Variants in GMDS observed in about 807,000 individuals in gnomAD.
The protein encoded by GMDS is GDP-mannose 4,6-dehydratase.
GMDS carries 20 observed loss-of-function variants against 49.9 expected under a neutral mutation model. That is an observed-to-expected ratio of 0.40 (90% CI 0.28 to 0.58). GMDS has a LOEUF of 0.58. Among genes scored for constraint, GMDS ranks in the 20% least tolerant of loss-of-function variants. The probability of loss-of-function intolerance (pLI) is 0.42; values close to 1 mark genes in which losing one functional copy is unlikely to be tolerated. For missense variants in GMDS, 362 were observed against 481.4 expected, an observed-to-expected ratio of 0.75 and a Z score of 2.32; for synonymous variants, 177 against 178.6, an observed-to-expected ratio of 0.99 and a Z score of 0.07.
At chr6:2,155,558 C>T (rs1777072644) in intron 1 of GMDS, among the ~76,000 whole-genome samples, 1 of 152,114 alleles carries the variant, frequency 6.6e-6, no homozygotes, top group African/African-American at 2.4e-5. Context: ...ACATTTCAAC[C>T]TAATTGCATC....
intron 7 of GMDS, among the ~76,000 whole-genome samples, chr6:1,877,645 A>T (rs1376826225): frequency 1.1e-3 from 45 of 41,164 alleles, no homozygotes; most frequent in African/African-American, 4.0e-3. Context: ...CTCAAAAATT[A>T]AAAAAAAAAA....
chr6:1,795,919 A>G (rs1769716835), intron 7 of GMDS, among the ~76,000 whole-genome samples: 1 of 152,234 alleles, frequency 6.6e-6, no homozygotes, highest in African/African-American at 2.4e-5. Context: ...CAGTGACCCA[A>G]TAAACAGTGA....
intron 7 of GMDS, among the ~76,000 whole-genome samples, chr6:1,866,648 T>C (rs945357888): frequency 2.0e-5 from 3 of 152,228 alleles, no homozygotes; most frequent in Non-Finnish European, 4.4e-5. Context: ...AGTTACAATA[T>C]AAAAGTTTTA....
intron 6 of GMDS, among the ~76,000 whole-genome samples, chr6:1,951,181 T>C (rs939098862): frequency 6.6e-6 from 1 of 152,186 alleles, no homozygotes; most frequent in African/African-American, 2.4e-5. Context: ...CCCCAAATTT[T>C]ACTTAAATTT....
chr6:2,237,712 G>C (rs1323640343), intron 1 of GMDS, among the ~76,000 whole-genome samples: 2 of 151,722 alleles, frequency 1.3e-5, no homozygotes, highest in Admixed American at 1.3e-4. Flanking sequence ...AGTAGAGATG[G>C]GGTTTCTCCA....
At chr6:1,970,728 G>A (rs1422716055) in intron 4 of GMDS, among the ~76,000 whole-genome samples, 1 of 152,148 alleles carries the variant, frequency 6.6e-6, no homozygotes, top group African/African-American at 2.4e-5. Context: ...ATCCAAAGGA[G>A]GGACAGATGA....
rs369325345 is a variant in GMDS at position 2,198,918 on chromosome 6, A to C, written c.102+46403T>G. Among the ~76,000 whole-genome samples, 21 of 145,846 alleles carry C rather than the reference A, an allele frequency of 1.4e-4. No homozygotes were observed. In the East Asian group the frequency reaches 3.9e-3, roughly 27 times the overall value. Reference sequence around the variant, plus strand: ...AACAGGTAGAAAACAGACCATTCATAAAGTCAATAATTCAGGCTTGGTAAT... The same window carrying C: ...AACAGGTAGAAAACAGACCATTCATCAAGTCAATAATTCAGGCTTGGTAAT... On this transcript the variant is annotated intron_variant, in intron 1 of 10. Transcript: ENST00000380815.
At chr6:2,121,031 T>C (rs1775109825) in intron 2 of GMDS, among the ~76,000 whole-genome samples, 1 of 152,160 alleles carries the variant, frequency 6.6e-6, no homozygotes, top group Admixed American at 6.5e-5. Context: ...CCTTGGGAGA[T>C]AGGTGTGCTT....
At chr6:2,219,295 TAGAG>T (rs779925979) in intron 1 of GMDS, among the ~76,000 whole-genome samples, 5 of 152,098 alleles carry the variant, frequency 3.3e-5, no homozygotes, top group Admixed American at 6.5e-5. Flanking sequence ...AGCCAGATGA[TAGAG>T]AGGGTAGAAA....
At chr6:1,889,062 A>G (rs888568338) in intron 7 of GMDS, among the ~76,000 whole-genome samples, 2 of 152,200 alleles carry the variant, frequency 1.3e-5, no homozygotes, top group Non-Finnish European at 2.9e-5. Flanking sequence ...ATTTAAAAAT[A>G]TATATGTATA....
chr6:1,765,878 C>A (rs1362558182), intron 7 of GMDS, among the ~76,000 whole-genome samples: 1 of 152,104 alleles, frequency 6.6e-6, no homozygotes, highest in Non-Finnish European at 1.5e-5. Flanking sequence ...AACGCAAAGG[C>A]CTTGAGAAGG....
chr6:1,789,196 T>G (rs1769430088), intron 7 of GMDS, among the ~76,000 whole-genome samples: 1 of 152,220 alleles, frequency 6.6e-6, no homozygotes, highest in Non-Finnish European at 1.5e-5. Context: ...CATCACCCCC[T>G]TATTACATCA....
intron 8 of GMDS, among the ~76,000 whole-genome samples, chr6:1,740,556 CAAA>C (rs557749479): frequency 3.0e-5 from 2 of 66,526 alleles, no homozygotes; most frequent in Non-Finnish European, 3.2e-5. Flanking sequence ...GACTCCGTCT[CAAA>C]AAAAAAAAAA....
At chr6:1,996,552 A>T (rs1766293701) in intron 4 of GMDS, among the ~76,000 whole-genome samples, 1 of 152,186 alleles carries the variant, frequency 6.6e-6, no homozygotes, top group Admixed American at 6.5e-5. Context: ...TAGTATCCTA[A>T]CAATTACTAG....
chr6:2,225,443 GAACTA>G (rs1780773128), intron 1 of GMDS, among the ~76,000 whole-genome samples: 1 of 152,144 alleles, frequency 6.6e-6, no homozygotes, highest in Non-Finnish European at 1.5e-5. Context: ...CAACAAAGCT[GAACTA>G]AAGATGAAGT....
At chr6:2,152,609 T>A (rs545025005) in intron 1 of GMDS, among the ~76,000 whole-genome samples, 1 of 152,068 alleles carries the variant, frequency 6.6e-6, no homozygotes, top group South Asian at 2.1e-4. Context: ...CAGAAAATAT[T>A]TTTAAATATT....
At chr6:1,988,540 C>T (rs776521508) in intron 4 of GMDS, among the ~76,000 whole-genome samples, 5 of 152,056 alleles carry the variant, frequency 3.3e-5, no homozygotes, top group African/African-American at 4.8e-5. Context: ...CAGCTCACCC[C>T]AACTGCACGT....
intron 1 of GMDS, among the ~76,000 whole-genome samples, chr6:2,212,611 T>C (rs1313206830): frequency 6.6e-6 from 1 of 151,654 alleles, no homozygotes; most frequent in African/African-American, 2.4e-5. Context: ...TATTAAGAAT[T>C]GCTGGAGAAA....
chr6:1,669,705 G>A (rs900611379), intron 9 of GMDS, among the ~76,000 whole-genome samples: 5 of 151,902 alleles, frequency 3.3e-5, no homozygotes, highest in Non-Finnish European at 4.4e-5. Flanking sequence ...TTGAGGTCAG[G>A]AGTTCAAGAC....
Sources: gnomAD v4.1 joint callset for allele counts (sites outside exome capture counted in the v4.1 genomes callset) on GRCh38, gnomAD v4.1.1 for gene constraint, MANE v1.5 for transcripts, NCBI Gene and HGNC (gene_info 2026-07-23, HGNC 2026-07-21) for gene names.